Variants in ZNF236 observed in about 807,000 individuals in gnomAD.
ZNF236 encodes the protein regulated by glucose.
Under a neutral mutation model 191.2 loss-of-function variants are expected in ZNF236, and 50 were observed. That is an observed-to-expected ratio of 0.26 (90% confidence interval 0.21 to 0.33). The LOEUF (loss-of-function observed/expected upper bound fraction) is 0.33, where lower values mean the gene tolerates loss of function less well. Among genes scored for constraint, ZNF236 ranks in the 10% least tolerant of loss-of-function variants. ZNF236 has a pLI of 1.00. For missense variants in ZNF236, 1,754 were observed against 2,374.5 expected (o/e 0.74, Z 5.43); for synonymous variants, 907 against 928.8 (o/e 0.98, Z 0.43).
At chr18:76,864,820 C>T (rs958346157) in intron 3 of ZNF236, among the ~76,000 whole-genome samples, 3 of 151,416 alleles carry the variant, frequency 2.0e-5, no homozygotes, top group African/African-American at 4.9e-5. Context: ...TGATAAGTTC[C>T]GTATGTATAA....
intron 16 of ZNF236, among the ~76,000 whole-genome samples, chr18:76,911,828 C>T (rs544219263): frequency 1.3e-4 from 20 of 152,214 alleles, no homozygotes; most frequent in African/African-American, 4.1e-4. Flanking sequence ...CCTATATGTG[C>T]GTGGTACCGT....
chr18:76,873,516 C>T (rs906599041), intron 5 of ZNF236, among the ~76,000 whole-genome samples: 24 of 152,276 alleles, frequency 1.6e-4, no homozygotes, highest in African/African-American at 4.8e-4. Context: ...AGGAGGCTGG[C>T]GGGCCCGGGT....
At chr18:76,905,688 G>T (rs1599381735) in intron 13 of ZNF236, among the ~76,000 whole-genome samples, 1 of 152,120 alleles carries the variant, frequency 6.6e-6, no homozygotes, top group Admixed American at 6.5e-5. Flanking sequence ...TTTTAAAGCT[G>T]TTAGTTGGTA....
At chr18:76,952,182 G>C (rs1260978443) in intron 27 of ZNF236, among the ~76,000 whole-genome samples, 1 of 152,116 alleles carries the variant, frequency 6.6e-6, no homozygotes, top group Non-Finnish European at 1.5e-5. Flanking sequence ...AAGCAGCCTC[G>C]CCACAAACTT....
rs568320731 is a variant in ZNF236 at position 76,960,842 on chromosome 18, G to A, written c.5406G>A (p.Ala1802=). Reference sequence around the variant, plus strand: ...ACATGAAGCTGCACATGAAGCGGGCGCACAGCTATGCTGGTGAGAATGCTG... The same window carrying A: ...ACATGAAGCTGCACATGAAGCGGGCACACAGCTATGCTGGTGAGAATGCTG... ...KSNMKLHMKR[A]HSYAGALQES... The change falls in exon 30 of 31, where the codon GCG becomes GCA. Residue 1802 remains alanine (A), a synonymous_variant. Transcript: ENST00000320610. This position sits in a 1 kb window ranked among gnomAD's most constrained non-coding sequence, Gnocchi z 4.4. The A allele has an allele frequency of 8.7e-6, 14 of 1,612,632 alleles. No homozygotes were observed. The highest frequency in any genetic ancestry group is 4.5e-5 in the East Asian group (2 of 44,832).
intron 22 of ZNF236, among the ~76,000 whole-genome samples, chr18:76,926,180 C>T (rs1967671550): frequency 6.6e-6 from 1 of 152,208 alleles, no homozygotes; most frequent in African/African-American, 2.4e-5. Flanking sequence ...ATCCATTTCA[C>T]AGAGTTCTGG....
chr18:76,916,936 A>G (rs909665732), intron 19 of ZNF236, among the ~76,000 whole-genome samples: 20 of 152,180 alleles, frequency 1.3e-4, no homozygotes, highest in Non-Finnish European at 1.9e-4. Context: ...CTTTGCCACC[A>G]TCTGACCGAA....
chr18:76,928,142 T>C (rs1967756656), intron 25 of ZNF236, 36 bp downstream of exon 25: 2 of 1,557,044 alleles, frequency 1.3e-6, no homozygotes, highest in East Asian at 4.6e-5. Flanking sequence ...CTTTTCACCC[T>C]GCAATTTAAG....
At chr18:76,889,467 TGAAG>T (rs1977163783) in intron 9 of ZNF236, among the ~76,000 whole-genome samples, 1 of 152,154 alleles carries the variant, frequency 6.6e-6, no homozygotes, top group Non-Finnish European at 1.5e-5. Flanking sequence ...ATGCTGTGCT[TGAAG>T]TAGCACTGGG....
intron 26 of ZNF236, among the ~76,000 whole-genome samples, chr18:76,945,183 A>G (rs1478288560): frequency 6.6e-6 from 1 of 152,228 alleles, no homozygotes; most frequent in African/African-American, 2.4e-5. Flanking sequence ...ATATACCTAT[A>G]CAAGCTAAGA....
Position 76,851,931 on chromosome 18 carries a change from A to G in ZNF236, c.355A>G (p.Lys119Glu). The stretch of plus-strand genomic sequence containing the variant: ...CAAAGCGCATATTATGCTACATGAA[A>G]AGGAAGAGGTAATCATCATCATTTT... The part of the protein sequence containing the change: ...SLKAHIMLHE[K>E]EENLICSECG... Residue 119 changes from lysine to glutamate, a missense_variant, in exon 3 of 31, where the codon AAG becomes GAG. Lys to Glu is a moderately conservative substitution (Grantham distance 56). Transcript: ENST00000320610. 6.2e-7 allele frequency: 1 copy of G among 1,608,848 alleles called. No homozygotes were observed. Among genetic ancestry groups the G allele is most frequent in the Non-Finnish European group, 8.5e-7 (1 of 1,177,868 alleles).
chr18:76,951,124 T>C (rs1384457727), intron 27 of ZNF236, among the ~76,000 whole-genome samples: 2 of 152,350 alleles, frequency 1.3e-5, no homozygotes, highest in Non-Finnish European at 2.9e-5. Flanking sequence ...AAAGAATGGA[T>C]TTAGCATCAT....
At chr18:76,941,976 T>C (rs1446921768) in intron 26 of ZNF236, among the ~76,000 whole-genome samples, 2 of 152,192 alleles carry the variant, frequency 1.3e-5, no homozygotes, top group Non-Finnish European at 2.9e-5. Context: ...TAATGAATCC[T>C]TGGTAGCAAT....
At chr18:76,845,620 A>G (rs1389029776) in intron 1 of ZNF236, among the ~76,000 whole-genome samples, 3 of 151,922 alleles carry the variant, frequency 2.0e-5, no homozygotes, top group African/African-American at 7.3e-5. Context: ...GGAGGCAGAG[A>G]TGGGTGGATC....
chr18:76,919,840 G>A lies in ZNF236; in HGVS notation c.3339G>A (p.Glu1113=). 9.9e-6 allele frequency: 16 copies of A among 1,614,226 alleles called. No individual in the cohort carries two copies. Among genetic ancestry groups the A allele is most frequent in the Non-Finnish European group, 1.4e-5 (16 of 1,180,048 alleles). ...ATGCATCACGGAAGTCTCGTCCTGA[G>A]GTCATCACTTTCACGGAGGAGGAGA... is the stretch of plus-strand genomic sequence containing the variant. ...DRNASRKSRP[E]VITFTEEETA... is the part of the protein sequence containing the mutation. The change falls in exon 20 of 31, where the codon GAG becomes GAA. Residue 1113 remains glutamate (E), a synonymous_variant. Coordinates refer to ENST00000320610, the MANE Select transcript of ZNF236 (RefSeq NM_001306089.2). This position sits in a 1 kb window ranked among gnomAD's most constrained non-coding sequence, Gnocchi z 5.3.
At chr18:76,917,041 C>G (rs1001005009) in intron 19 of ZNF236, among the ~76,000 whole-genome samples, 13 of 152,172 alleles carry the variant, frequency 8.5e-5, no homozygotes, top group Admixed American at 4.6e-4. Context: ...CTTGCCTAAA[C>G]TCCCTCAAAG....
chr18:76,964,055 A>G (rs1037769643), intron 30 of ZNF236, among the ~76,000 whole-genome samples: 2 of 151,884 alleles, frequency 1.3e-5, no homozygotes, highest in Non-Finnish European at 2.9e-5. Context: ...GTTTGTTTCA[A>G]TTTCATTTAG....
rs185407272 is a variant in ZNF236 at position 76,884,380 on chromosome 18, G to A, written c.1417+2868G>A. The stretch of plus-strand genomic sequence containing the variant: ...CATGCCATTGGACTCCAGCCCCGGC[G>A]ACAGTGTGAGACTCCATCTCAAAAA... On this transcript the variant is annotated intron_variant, in intron 9 of 30. Transcript: ENST00000320610. Among the ~76,000 whole-genome samples, 187 of 148,766 alleles carry A rather than the reference G, an allele frequency of 1.3e-3. 1 individual carries two copies. The highest frequency in any genetic ancestry group is 6.9e-3 in the Middle Eastern group (2 of 288).
At chr18:76,832,571 T>G (rs1243058402) in intron 1 of ZNF236, among the ~76,000 whole-genome samples, 1 of 151,958 alleles carries the variant, frequency 6.6e-6, no homozygotes, top group Non-Finnish European at 1.5e-5. Context: ...TCTTTTCCAC[T>G]GTTTTTTTTT....
Sources: gnomAD v4.1 joint callset for allele counts (sites outside exome capture counted in the v4.1 genomes callset) on GRCh38, gnomAD v4.1.1 for gene constraint, Gnocchi (gnomAD v3.1) non-coding constraint, MANE v1.5 for transcripts, NCBI Gene and HGNC (gene_info 2026-07-23, HGNC 2026-07-21) for gene names.